PDE6B: variants seen among roughly 807,000 people sequenced by gnomAD.
The protein encoded by PDE6B is rod cGMP-specific 3',5'-cyclic phosphodiesterase subunit beta.
A neutral mutation model predicts 109.0 loss-of-function variants in PDE6B; 106 were observed. The observed-to-expected ratio is 0.97, with a 90% CI of 0.83 to 1.14. The LOEUF is 1.14. PDE6B is among the 50% of genes most tolerant of loss of function. The pLI is 0.00. For missense variants in PDE6B, 1,193 were observed against 1,155.6 expected (o/e 1.03, Z -0.47); for synonymous variants, 490 against 471.3 (o/e 1.04, Z -0.51).
chr4:660,922 GAAAC>G (rs1239380155), intron 12 of PDE6B, among the ~76,000 whole-genome samples: 6 of 35,010 alleles, frequency 1.7e-4, no homozygotes, highest in African/African-American at 3.0e-4. Context: ...CAAGCAGAAA[GAAAC>G]AAAGGAAGAA....
At chr4:653,715 C>T in intron 3 of PDE6B, 137 bp from the exon 4 acceptor site, 1 of 992,968 alleles carries the variant, frequency 1.0e-6, no homozygotes, top group Admixed American at 1.9e-5. Context: ...AGGGTCTGTG[C>T]CAGGCTCCAC....
intron 9 of PDE6B, 78 bp downstream of exon 9, chr4:657,101 G>A (rs1394506018): frequency 1.2e-5 from 18 of 1,441,718 alleles, no homozygotes; most frequent in Middle Eastern, 1.8e-4. Flanking sequence ...GGGCCTCCCC[G>A]CCAAGCATTC....
At position 663,941 on chromosome 4, in the gene PDE6B, G is replaced by T; in HGVS notation, c.2021+71G>T. 1.6e-6 allele frequency: 2 copies of T among 1,220,044 alleles called. No homozygotes were observed. The highest frequency in any genetic ancestry group is 2.3e-6 in the Non-Finnish European group (2 of 858,168). 75.6% of individuals were successfully genotyped at this position (1,220,044 alleles called of 1,614,324 possible). A position where few individuals can be genotyped will look rare whatever the true frequency, so the allele number is the denominator to read the frequency against. On this transcript the variant is annotated intron_variant, in intron 16 of 21. Transcript: ENST00000496514. This position sits in a 1 kb window ranked among gnomAD's most constrained non-coding sequence, Gnocchi z 4.0. ...CCTGGGACCCCCGGCAGACACGGGG[G>T]CGCAGCGGCGGCACAGCCCGGGGGA...
chr4:663,762 C>T lies in PDE6B; in HGVS notation c.1921-8C>T, dbSNP rs1374835946. ...GGGCGCCTGACGCGCTGGGCATAAC[C>T]TCCGCAGACCCTGAACATCTACCAG... On this transcript the variant is annotated splice_polypyrimidine_tract_variant and splice_region_variant and intron_variant, in intron 15 of 21. Coordinates refer to ENST00000496514, the MANE Select transcript of PDE6B (RefSeq NM_000283.4). The surrounding 1 kb of genome is among the most constrained non-coding windows in gnomAD (Gnocchi z 4.0). The T allele has an allele frequency of 1.9e-6, 3 of 1,608,710 alleles. No homozygotes were observed. Among genetic ancestry groups the T allele is most frequent in the African/African-American group, 1.3e-5 (1 of 74,768 alleles).
At chr4:669,332 A>C (rs1738198186) in intron 21 of PDE6B, among the ~76,000 whole-genome samples, 1 of 115,862 alleles carries the variant, frequency 8.6e-6, no homozygotes, top group African/African-American at 3.9e-5. Context: ...CCGCTACCCC[A>C]TGCTATTCCC....
chr4:625,813 G>T lies in PDE6B; in HGVS notation c.187G>T (p.Val63Leu). Residue 63 changes from valine to leucine, a missense_variant, in exon 1 of 22, where the codon GTG becomes TTG. Coordinates refer to ENST00000496514, the MANE Select transcript of PDE6B (RefSeq NM_000283.4). The surrounding 1 kb of genome is among the most constrained non-coding windows in gnomAD (Gnocchi z 5.0). The part of the protein sequence containing the change: ...VEESTALLEL[V>L]QDMQESINME... ...GGAGAGCACGGCGCTGCTGGAGCTG[G>T]TGCAGGATATGCAGGAGAGCATCAA... The T allele has an allele frequency of 6.2e-7, 1 of 1,613,276 alleles. No homozygotes were observed. The highest frequency in any genetic ancestry group is 8.5e-7 in the Non-Finnish European group (1 of 1,179,952).
intron 1 of PDE6B, among the ~76,000 whole-genome samples, chr4:632,415 G>A (rs1019044681): frequency 5.9e-5 from 9 of 151,798 alleles, no homozygotes; most frequent in African/African-American, 2.2e-4. Context: ...GGGTTATGAG[G>A]GTCACATTGT....
intron 21 of PDE6B, among the ~76,000 whole-genome samples, chr4:669,491 G>A (rs1194073938): frequency 1.6e-4 from 14 of 86,388 alleles, no homozygotes; most frequent in South Asian, 3.8e-4. Context: ...TGCTATTCCC[G>A]CTACCCCATG....
At chr4:657,973 A>G (rs1577285327) in intron 10 of PDE6B, among the ~76,000 whole-genome samples, 1 of 100,340 alleles carries the variant, frequency 1.0e-5, no homozygotes, top group African/African-American at 4.0e-5. Context: ...TGTGCAGCAG[A>G]GGCAGGTCAT....
rs1341672681 is a variant in PDE6B at position 625,992 on chromosome 4, C to T, written c.366C>T (p.Cys122=). 3 of 1,582,532 alleles carry T rather than the reference C, an allele frequency of 1.9e-6. No individual in the cohort carries two copies. The highest frequency in any genetic ancestry group is 2.6e-6 in the Non-Finnish European group (3 of 1,164,836). ...SVQPDSVLED[C]LVPPDSEIVF... Reference sequence around the variant, plus strand: ...AGCCGGACAGCGTCCTGGAGGACTGCCTGGTGCCCCCCGACTCCGAGATCG... The same window carrying T: ...AGCCGGACAGCGTCCTGGAGGACTGTCTGGTGCCCCCCGACTCCGAGATCG... Residue 122 remains cysteine (C), a synonymous_variant, in exon 1 of 22, where the codon TGC becomes TGT. Transcript: ENST00000496514. This position sits in a 1 kb window ranked among gnomAD's most constrained non-coding sequence, Gnocchi z 5.0.
rs1326093890 is a variant in PDE6B at position 663,905 on chromosome 4, C to T, written c.2021+35C>T. 5 of 1,506,926 alleles carry T rather than the reference C, an allele frequency of 3.3e-6. No individual in the cohort carries two copies. In the South Asian group the frequency reaches 4.6e-5, roughly 14 times the overall value. 93.3% of individuals were successfully genotyped at this position (1,506,926 alleles called of 1,614,324 possible). On this transcript the variant is annotated intron_variant, in intron 16 of 21. Transcript: ENST00000496514. The surrounding 1 kb of genome is among the most constrained non-coding windows in gnomAD (Gnocchi z 4.0). ...TTCCGGGAGGGGGCGCCTCGCGGGGCGGGCGGGTAGCCTGGGACCCCCGGC... is the reference window on the plus strand; with the variant it reads ...TTCCGGGAGGGGGCGCCTCGCGGGGTGGGCGGGTAGCCTGGGACCCCCGGC...
chr4:641,347 C>T (rs563871840), intron 3 of PDE6B, among the ~76,000 whole-genome samples: 1 of 152,292 alleles, frequency 6.6e-6, no homozygotes, highest in South Asian at 2.1e-4. Context: ...TGTTATAAAG[C>T]AAAGCAATGG....
In PDE6B at chr4:670,724, C is replaced by T. The variant is rs896686048; in HGVS notation, c.*617C>T. ...AGACAGATGGACACAGGCCGTTTCT[C>T]ATCCAGTTTAGGAAAACACACATGC... On this transcript the variant is annotated 3_prime_UTR_variant, in exon 22 of 22. Coordinates refer to ENST00000496514, the MANE Select transcript of PDE6B (RefSeq NM_000283.4). 2 of 153,076 alleles carry T rather than the reference C, an allele frequency of 1.3e-5. No homozygotes were observed. The highest frequency in any genetic ancestry group is 4.8e-5 in the African/African-American group (2 of 41,448). 9.5% of individuals were successfully genotyped at this position (153,076 alleles called of 1,614,324 possible). A position where few individuals can be genotyped will look rare whatever the true frequency, so the allele number is the denominator to read the frequency against.
chr4:657,275 G>A (rs560447315), intron 9 of PDE6B, 76 bp from the exon 10 acceptor site: 14 of 1,556,386 alleles, frequency 9.0e-6, no homozygotes, highest in Middle Eastern at 1.9e-4. Flanking sequence ...GCCGAGCCAC[G>A]GGGCCTGGCA....
In PDE6B at chr4:665,942, C is replaced by G. The variant is rs939715837; in HGVS notation, c.2269-589C>G. 9.9e-5 allele frequency among the ~76,000 whole-genome samples: 15 copies of G among 152,166 alleles called. No homozygotes were observed. Among genetic ancestry groups the G allele is most frequent in the African/African-American group, 3.1e-4 (13 of 41,434 alleles). ...TGGAGAGGGCTTAGGCCAGGTGCAG[C>G]CTCGGCAGGAAAGGGGGCATTGGTT... On this transcript the variant is annotated intron_variant, in intron 19 of 21. Transcript: ENST00000496514. The surrounding 1 kb of genome is among the most constrained non-coding windows in gnomAD (Gnocchi z 4.0).
chr4:642,654 G>T (rs1734997966), intron 3 of PDE6B, among the ~76,000 whole-genome samples: 1 of 149,662 alleles, frequency 6.7e-6, no homozygotes, highest in Non-Finnish European at 1.5e-5. Context: ...AAGTTAGCCA[G>T]GTGTGGTGGT....
chr4:667,770 C>A (rs774650004), intron 20 of PDE6B, 86 bp from the exon 21 acceptor site: 2 of 1,433,250 alleles, frequency 1.4e-6, no homozygotes, highest in East Asian at 4.6e-5. Flanking sequence ...TCATCCCCTA[C>A]GAGGGGGATG....
At position 662,529 on chromosome 4, in the gene PDE6B, C is replaced by T; in HGVS notation, c.1743C>T (p.Tyr581=). ...TLLMTGKLKS[Y]YTDLEAFAMV... is the part of the protein sequence containing the mutation. The stretch of plus-strand genomic sequence containing the variant: ...TACAGACCGGCAAACTGAAGAGCTA[C>T]TACACGGACCTGGAGGCCTTCGCCA... The change falls in exon 14 of 22, where the codon TAC becomes TAT. Residue 581 remains tyrosine (Y), a synonymous_variant. Transcript: ENST00000496514. This position sits in a 1 kb window ranked among gnomAD's most constrained non-coding sequence, Gnocchi z 4.3. The T allele has an allele frequency of 1.2e-6, 2 of 1,612,298 alleles. No individual in the cohort carries two copies. Among genetic ancestry groups the T allele is most frequent in the Non-Finnish European group, 1.7e-6 (2 of 1,179,112 alleles).
chr4:647,687 CA>C (rs1485537368), intron 3 of PDE6B, among the ~76,000 whole-genome samples: 1 of 151,988 alleles, frequency 6.6e-6, no homozygotes, highest in East Asian at 1.9e-4. Context: ...CTCACCATCG[CA>C]TCTCGGGTGA....
Sources: gnomAD v4.1 joint callset for allele counts (sites outside exome capture counted in the v4.1 genomes callset) on GRCh38, gnomAD v4.1.1 for gene constraint, Gnocchi (gnomAD v3.1) non-coding constraint, MANE v1.5 for transcripts, NCBI Gene and HGNC (gene_info 2026-07-23, HGNC 2026-07-21) for gene names.